Variants in MAP4K5 observed in about 807,000 individuals in gnomAD.
The protein encoded by MAP4K5 is mitogen-activated protein kinase kinase kinase kinase 5.
A neutral mutation model predicts 135.6 loss-of-function variants in MAP4K5; 82 were observed. That is an observed-to-expected ratio of 0.60 (90% confidence interval 0.51 to 0.73). The LOEUF is 0.73. Among genes scored for constraint, MAP4K5 ranks in the 30% least tolerant of loss-of-function variants. The probability of loss-of-function intolerance (pLI) is 0.00; values close to 1 mark genes in which losing one functional copy is unlikely to be tolerated. For missense variants in MAP4K5, 907 were observed against 1,010.9 expected (o/e 0.90, Z 1.39); for synonymous variants, 347 against 335.0 (o/e 1.04, Z -0.39).
chr14:50,425,805 T>A, intron 31 of MAP4K5, 102 bp downstream of exon 31: 1 of 738,856 alleles, frequency 1.4e-6, no homozygotes, highest in Admixed American at 2.4e-5. Flanking sequence ...TTAAAAGCAC[T>A]AAACACAGTA....
In MAP4K5 at chr14:50,420,106, C is replaced by A; in HGVS notation, c.2454G>T (p.Arg818Ser). The change falls in exon 33 of 33, where the codon AGG (arginine) becomes AGT (serine). Residue 818 changes from arginine (R) to serine (S), a missense_variant and splice_region_variant. Arg to Ser is a moderately radical substitution (Grantham distance 110, BLOSUM62 -1). This residue lies in a region of MAP4K5 where 690 missense variants were observed against 777.4 expected (regional missense o/e 0.89). Transcript: ENST00000682126. ...TRVFRLLGSDRVVVLESRPTE... is the reference protein window; with the variant it reads ...TRVFRLLGSDSVVVLESRPTE... ...TTGGCCTACTTTCCAAAACGACAAC[C>A]CTGTAATTAAACCAAAACAAAGGGC... The A allele has an allele frequency of 1.3e-6, 2 of 1,598,466 alleles. No homozygotes were observed. The highest frequency in any genetic ancestry group is 1.7e-6 in the Non-Finnish European group (2 of 1,169,086).
chr14:50,539,826 T>C (rs1274676572), intron 2 of MAP4K5, among the ~76,000 whole-genome samples: 1 of 152,242 alleles, frequency 6.6e-6, no homozygotes, highest in East Asian at 1.9e-4. Context: ...TAGAAGCTTG[T>C]TCTCAATAAT....
intron 28 of MAP4K5, among the ~76,000 whole-genome samples, chr14:50,432,688 G>A (rs76798987): frequency 9.2e-5 from 14 of 151,672 alleles, no homozygotes; most frequent in African/African-American, 2.7e-4. Flanking sequence ...GAAAGTGGTC[G>A]CAAATATACA....
chr14:50,420,393 G>A (rs1219529980), intron 32 of MAP4K5, among the ~76,000 whole-genome samples: 7 of 152,138 alleles, frequency 4.6e-5, no homozygotes, highest in Admixed American at 4.6e-4. Flanking sequence ...AACTTTGGGA[G>A]TCTGAGGCAG....
At chr14:50,494,193 G>C (rs1345397439) in intron 3 of MAP4K5, among the ~76,000 whole-genome samples, 1 of 151,362 alleles carries the variant, frequency 6.6e-6, no homozygotes, top group Non-Finnish European at 1.5e-5. Context: ...TTTTGAGACA[G>C]AGTCTCGCCT....
intron 13 of MAP4K5, among the ~76,000 whole-genome samples, chr14:50,461,561 T>C (rs1183207249): frequency 2.0e-5 from 3 of 152,106 alleles, no homozygotes; most frequent in East Asian, 1.9e-4. Context: ...TAGTCATAAA[T>C]AGATACCTGT....
chr14:50,514,016 T>C (rs942349049), intron 2 of MAP4K5, among the ~76,000 whole-genome samples: 11 of 152,230 alleles, frequency 7.2e-5, no homozygotes, highest in South Asian at 2.1e-4. Flanking sequence ...AACTATGTCA[T>C]AGGCTGTAAA....
At chr14:50,528,917 T>C (rs2038325406) in intron 2 of MAP4K5, among the ~76,000 whole-genome samples, 1 of 152,218 alleles carries the variant, frequency 6.6e-6, no homozygotes, top group Non-Finnish European at 1.5e-5. Flanking sequence ...CACTACAGTT[T>C]CAGGTTATGT....
At chr14:50,488,083 T>A (rs1290999872) in intron 3 of MAP4K5, among the ~76,000 whole-genome samples, 1 of 151,662 alleles carries the variant, frequency 6.6e-6, no homozygotes. Context: ...AGAAAAGAGG[T>A]TTAATTGACT....
At chr14:50,550,426 G>GACT (rs2038687881) in intron 1 of MAP4K5, among the ~76,000 whole-genome samples, 1 of 152,230 alleles carries the variant, frequency 6.6e-6, no homozygotes, top group Non-Finnish European at 1.5e-5. Context: ...ACTAGGCTGT[G>GACT]ACTACAGCAG....
chr14:50,427,268 T>G (rs1236099208), intron 30 of MAP4K5, among the ~76,000 whole-genome samples: 1 of 152,190 alleles, frequency 6.6e-6, no homozygotes, highest in Non-Finnish European at 1.5e-5. Context: ...AATTAAGGAT[T>G]CCTATGTCAG....
intron 2 of MAP4K5, among the ~76,000 whole-genome samples, chr14:50,531,358 C>A (rs1237657425): frequency 6.6e-6 from 1 of 152,194 alleles, no homozygotes; most frequent in East Asian, 1.9e-4. Context: ...CAAAACCCAG[C>A]AAGTTAATAT....
chr14:50,435,349 T>A (rs968970208), intron 26 of MAP4K5, among the ~76,000 whole-genome samples: 9 of 152,082 alleles, frequency 5.9e-5, no homozygotes, highest in Admixed American at 5.2e-4. Flanking sequence ...TTTCCCTTCC[T>A]CACTCCCTCC....
upstream of MAP4K5, among the ~76,000 whole-genome samples, chr14:50,536,180 C>T (rs1566703108): frequency 6.6e-6 from 1 of 152,210 alleles, no homozygotes; most frequent in African/African-American, 2.4e-5. Flanking sequence ...CGCCATGGCC[C>T]ATGCCTGTAA....
At chr14:50,495,999 T>C (rs1353659502) in intron 3 of MAP4K5, among the ~76,000 whole-genome samples, 1 of 152,138 alleles carries the variant, frequency 6.6e-6, no homozygotes, top group Non-Finnish European at 1.5e-5. Flanking sequence ...ACAACGCAAA[T>C]ATAGTTAAAA....
chr14:50,520,431 G>A (rs2038124661), intron 2 of MAP4K5, among the ~76,000 whole-genome samples: 1 of 152,118 alleles, frequency 6.6e-6, no homozygotes, highest in Non-Finnish European at 1.5e-5. Context: ...AACCCGGGAG[G>A]CGAAGGTAGT....
intron 9 of MAP4K5, among the ~76,000 whole-genome samples, chr14:50,473,486 A>C (rs902199541): frequency 2.6e-5 from 4 of 152,306 alleles, no homozygotes; most frequent in East Asian, 3.9e-4. Context: ...TTTTAACGAC[A>C]TAAGAACTTA....
chr14:50,525,313 C>A (rs1177240059), intron 2 of MAP4K5, among the ~76,000 whole-genome samples: 1 of 152,206 alleles, frequency 6.6e-6, no homozygotes, highest in Non-Finnish European at 1.5e-5. Flanking sequence ...GCCAGAAATT[C>A]TAAATGCCAT....
chr14:50,445,603 T>G (rs2036329840), intron 17 of MAP4K5, among the ~76,000 whole-genome samples: 1 of 152,202 alleles, frequency 6.6e-6, no homozygotes, highest in Admixed American at 6.5e-5. Context: ...GGAGTCTCGC[T>G]CTGTCACCCA....
Sources: gnomAD v4.1 joint callset for allele counts (sites outside exome capture counted in the v4.1 genomes callset) on GRCh38, gnomAD v4.1.1 for gene constraint, gnomAD v4.1.1 regional missense constraint, MANE v1.5 for transcripts, NCBI Gene and HGNC (gene_info 2026-07-23, HGNC 2026-07-21) for gene names.